HMCN1: variants seen among roughly 807,000 people sequenced by gnomAD.
HMCN1 encodes the protein hemicentin-1.
A neutral mutation model predicts 625.9 loss-of-function variants in HMCN1; 321 were observed. The observed-to-expected ratio is 0.51, with a 90% CI of 0.47 to 0.56. The LOEUF is 0.56. Among genes scored for constraint, HMCN1 ranks in the 20% least tolerant of loss-of-function variants. The pLI, the probability that HMCN1 is intolerant of heterozygous loss-of-function variation, is 0.00. For synonymous variants in HMCN1, 2,425 were observed against 2,417.6 expected, an observed-to-expected ratio of 1.00 and a Z score of -0.09; for missense variants, 6,588 against 6,887.3, an observed-to-expected ratio of 0.96 and a Z score of 1.54.
Position 185,994,802 on chromosome 1 carries a change from T to G in HMCN1, c.3506-13T>G. On this transcript the variant is annotated splice_polypyrimidine_tract_variant and intron_variant, in intron 23 of 106. Transcript: ENST00000271588. ...TGAAAGTTGGATTATTAATACCCAG[T>G]TATTATTTCTAGTTCCTCCAAAGAT... 6.2e-7 allele frequency: 1 copy of G among 1,612,026 alleles called. No homozygotes were observed. Among genetic ancestry groups the G allele is most frequent in the South Asian group, 1.1e-5 (1 of 91,032 alleles).
intron 1 of HMCN1, among the ~76,000 whole-genome samples, chr1:185,791,556 C>T (rs1409291048): frequency 6.6e-6 from 1 of 151,914 alleles, no homozygotes; most frequent in Non-Finnish European, 1.5e-5. Context: ...CCTGTCTCTA[C>T]TAAAAATACA....
intron 73 of HMCN1, among the ~76,000 whole-genome samples, chr1:186,114,432 T>C (rs1361212704): frequency 6.6e-6 from 1 of 152,078 alleles, no homozygotes; most frequent in African/African-American, 2.4e-5. Flanking sequence ...TAATTTTTTG[T>C]ATTTTTAGTA....
chr1:186,129,320 A>G (rs1436338305), intron 83 of HMCN1, among the ~76,000 whole-genome samples: 1 of 151,128 alleles, frequency 6.6e-6, no homozygotes, highest in Non-Finnish European at 1.5e-5. Context: ...TGTTTACCTT[A>G]TATTTTCTTC....
chr1:186,163,499 T>C (rs1319342683), intron 97 of HMCN1, among the ~76,000 whole-genome samples: 3 of 152,188 alleles, frequency 2.0e-5, no homozygotes, highest in South Asian at 4.1e-4. Flanking sequence ...GTCTTCTGCC[T>C]TGCTCATTCT....
intron 1 of HMCN1, among the ~76,000 whole-genome samples, chr1:185,814,667 A>G (rs1029596487): frequency 7.2e-6 from 1 of 139,726 alleles, no homozygotes; most frequent in Non-Finnish European, 1.5e-5. Flanking sequence ...ATTGCACTTA[A>G]TATTTATTTT....
At chr1:185,823,945 TG>T (rs1660353796) in intron 1 of HMCN1, among the ~76,000 whole-genome samples, 1 of 152,204 alleles carries the variant, frequency 6.6e-6, no homozygotes, top group Admixed American at 6.6e-5. Context: ...CTGAGCACTT[TG>T]GAACTAACAG....
chr1:185,888,184 G>A (rs1353381489), intron 4 of HMCN1, among the ~76,000 whole-genome samples: 1 of 108,964 alleles, frequency 9.2e-6, no homozygotes, highest in Non-Finnish European at 1.7e-5. Flanking sequence ...ATTTGTTTGA[G>A]TTCATTGTAG....
At chr1:186,125,289 A>C (rs1026639109) in intron 81 of HMCN1, among the ~76,000 whole-genome samples, 1 of 152,236 alleles carries the variant, frequency 6.6e-6, no homozygotes, top group South Asian at 2.1e-4. Context: ...CACTGCAGTA[A>C]ACAGAAGTAA....
At chr1:186,154,086 T>C in intron 97 of HMCN1, 99 bp downstream of exon 97, 5 of 956,292 alleles carry the variant, frequency 5.2e-6, no homozygotes, top group Non-Finnish European at 8.3e-6. Flanking sequence ...TAACATGATA[T>C]CAGGTTTTTC....
In HMCN1 at chr1:185,919,381, G is replaced by GCAGGGCAAAACAA. The variant is rs1362381694; in HGVS notation, c.901-2998_901-2997insCAGGGCAAAACAA. ...TTATTTGTGTTGATTATACCTTTTT[G>GCAGGGCAAAACAA]TACTTTGATGCAGGGCAAAACTCAG... On this transcript the variant is annotated intron_variant, in intron 6 of 106. Transcript: ENST00000271588. Among the ~76,000 whole-genome samples, 103 of 152,126 alleles carry GCAGGGCAAAACAA rather than the reference G, an allele frequency of 6.8e-4. 1 individual carries two copies. The highest frequency in any genetic ancestry group is 4.4e-5 in the Non-Finnish European group (3 of 68,004).
At chr1:185,997,967 A>G (rs573679690) in intron 25 of HMCN1, among the ~76,000 whole-genome samples, 11 of 152,168 alleles carry the variant, frequency 7.2e-5, no homozygotes, top group African/African-American at 2.6e-4. Context: ...TCTACTCTCA[A>G]CTGGTAATTC....
chr1:185,866,288 A>G (rs1389833295), intron 4 of HMCN1, among the ~76,000 whole-genome samples: 4 of 150,646 alleles, frequency 2.7e-5, no homozygotes, highest in East Asian at 2.2e-4. Flanking sequence ...GTAAAAAACT[A>G]TGACTAACTA....
intron 89 of HMCN1, among the ~76,000 whole-genome samples, chr1:186,143,687 G>A (rs1650112746): frequency 6.6e-6 from 1 of 152,216 alleles, no homozygotes; most frequent in Admixed American, 6.5e-5. Context: ...TAGATATGAA[G>A]CTGAATCAGG....
chr1:185,996,992 G>C (rs907652856), intron 24 of HMCN1, among the ~76,000 whole-genome samples: 4 of 152,134 alleles, frequency 2.6e-5, no homozygotes, highest in Non-Finnish European at 5.9e-5. Flanking sequence ...ACATGTTTGA[G>C]AAAAGGATCC....
intron 105 of HMCN1, among the ~76,000 whole-genome samples, chr1:186,182,551 T>C (rs1165779624): frequency 6.6e-6 from 1 of 152,202 alleles, no homozygotes; most frequent in Non-Finnish European, 1.5e-5. Flanking sequence ...ATTATATATT[T>C]TTAAAACTTA....
chr1:186,127,888 A>C (rs571356061), intron 82 of HMCN1, among the ~76,000 whole-genome samples, 190 bp from the exon 83 acceptor site: 7 of 152,176 alleles, frequency 4.6e-5, no homozygotes, highest in Non-Finnish European at 7.4e-5. Flanking sequence ...GTATGGGCTT[A>C]TGTTTAAACT....
chr1:186,089,474 A>G (rs936209963), intron 63 of HMCN1, among the ~76,000 whole-genome samples: 1 of 152,022 alleles, frequency 6.6e-6, no homozygotes, highest in African/African-American at 2.4e-5. Flanking sequence ...CTAACTCCAA[A>G]AAAATACAAT....
chr1:185,794,343 T>TTATATATATATATA (rs61058896), intron 1 of HMCN1, among the ~76,000 whole-genome samples: 167 of 147,702 alleles, frequency 1.1e-3, no homozygotes, highest in Middle Eastern at 7.1e-3. Flanking sequence ...AGAGGATAGA[T>TTATATATATATATA]TATATATATA....
chr1:185,748,382 G>T (rs985762991), intron 1 of HMCN1, among the ~76,000 whole-genome samples: 1 of 152,020 alleles, frequency 6.6e-6, no homozygotes, highest in Non-Finnish European at 1.5e-5. Flanking sequence ...TCCCCTATGT[G>T]CAGGACAATG....
Sources: allele counts gnomAD v4.1 joint callset (sites outside exome capture counted in the v4.1 genomes callset), GRCh38; gene constraint gnomAD v4.1.1; transcripts MANE v1.5; gene names NCBI Gene and HGNC (gene_info 2026-07-23, HGNC 2026-07-21).